SEC14L1: variants seen among roughly 807,000 people sequenced by gnomAD.
SEC14L1 encodes SEC14-like protein 1.
Under a neutral mutation model 85.3 loss-of-function variants are expected in SEC14L1, and 48 were observed. That is an observed-to-expected ratio of 0.56 (90% CI 0.45 to 0.72). The LOEUF (loss-of-function observed/expected upper bound fraction) is 0.72, where lower values mean the gene tolerates loss of function less well. SEC14L1 is among the 30% of genes least tolerant of loss of function. SEC14L1 has a pLI of 0.00. For missense variants in SEC14L1, 682 were observed against 921.4 expected, an observed-to-expected ratio of 0.74 and a Z score of 3.36; for synonymous variants, 391 against 355.5, an observed-to-expected ratio of 1.10 and a Z score of -1.12.
intron 3 of SEC14L1, among the ~76,000 whole-genome samples, chr17:77,189,819 G>A (rs1169970698): frequency 6.6e-6 from 1 of 152,060 alleles, no homozygotes; most frequent in Non-Finnish European, 1.5e-5. Context: ...TAGTAGAGAC[G>A]GGGTTTCACC....
intron 14 of SEC14L1, 59 bp downstream of exon 14, chr17:77,209,535 T>C: frequency 1.3e-6 from 2 of 1,568,122 alleles, no homozygotes; most frequent in South Asian, 2.3e-5. Context: ...GGCCTGGCCC[T>C]CGCAGGGCTT....
chr17:77,138,521 A>T (rs893258826), upstream of SEC14L1, among the ~76,000 whole-genome samples: 3 of 152,100 alleles, frequency 2.0e-5, no homozygotes, highest in Non-Finnish European at 4.4e-5. Flanking sequence ...CTGAGGCAGG[A>T]GGGCAGGAGA....
At chr17:77,143,200 G>C (rs1188670568) in intron 2 of SEC14L1, among the ~76,000 whole-genome samples, 1 of 152,158 alleles carries the variant, frequency 6.6e-6, no homozygotes, top group Non-Finnish European at 1.5e-5. Context: ...AAGAGAAAAT[G>C]ATCCAAGCAT....
intron 7 of SEC14L1, among the ~76,000 whole-genome samples, chr17:77,195,392 C>T (rs568416967): frequency 5.9e-5 from 9 of 151,902 alleles, no homozygotes; most frequent in Non-Finnish European, 1.3e-4. Flanking sequence ...CATCTTGGCT[C>T]ACTGCAACCT....
intron 15 of SEC14L1, among the ~76,000 whole-genome samples, chr17:77,212,511 C>T (rs1370075548): frequency 1.3e-5 from 2 of 152,130 alleles, no homozygotes; most frequent in African/African-American, 2.4e-5. Flanking sequence ...CTCATTTCAC[C>T]GGGTTGTGTT....
At position 77,214,174 on chromosome 17, in the gene SEC14L1, C is replaced by T. The variant is rs1976923572; in HGVS notation, c.*151C>T. Reference sequence around the variant, plus strand: ...CAGATGGTAAACGTAGTCGTTTGATCCCAAAACTACCTTGGCAGGTAGTTT... The same window carrying T: ...CAGATGGTAAACGTAGTCGTTTGATTCCAAAACTACCTTGGCAGGTAGTTT... On this transcript the variant is annotated 3_prime_UTR_variant, in exon 17 of 17. Coordinates refer to ENST00000436233, the MANE Select transcript of SEC14L1 (RefSeq NM_001143998.2). 3 of 1,420,728 alleles carry T rather than the reference C, an allele frequency of 2.1e-6. No individual in the cohort carries two copies. Among genetic ancestry groups the T allele is most frequent in the Middle Eastern group, 2.6e-4 (1 of 3,832 alleles). 88.0% of individuals were successfully genotyped at this position (1,420,728 alleles called of 1,614,324 possible). A position where few individuals can be genotyped will look rare whatever the true frequency, so the allele number is the denominator to read the frequency against.
At chr17:77,096,136 A>G (rs969578958) in intron 3 of SEC14L1, among the ~76,000 whole-genome samples, 4 of 148,010 alleles carry the variant, frequency 2.7e-5, no homozygotes, top group African/African-American at 7.6e-5. Context: ...GGCTCAGGTG[A>G]TCCTCCCACC....
intron 1 of SEC14L1, chr17:77,141,514 C>T (rs1159023906): frequency 2.6e-5 from 4 of 152,312 alleles, no homozygotes; most frequent in African/African-American, 7.2e-5. Context: ...GCCGGCCGCC[C>T]CTCGAGCCTG....
chr17:77,185,400 T>C, intron 3 of SEC14L1: 1 of 985,258 alleles, frequency 1.0e-6, no homozygotes, highest in Non-Finnish European at 1.2e-6. Context: ...TGAACGTCTG[T>C]GCAAATATGA....
intron 14 of SEC14L1, chr17:77,210,142 C>T (rs116852635): frequency 0.015 from 2,237 of 152,464 alleles, 51 homozygotes; most frequent in Admixed American, 0.042. Context: ...TGTACCTGGC[C>T]CGTTTGCTAC....
In SEC14L1 at chr17:77,214,499, C is replaced by T. The variant is rs947352905; in HGVS notation, c.*476C>T. On this transcript the variant is annotated 3_prime_UTR_variant, in exon 17 of 17. Coordinates refer to ENST00000436233, the MANE Select transcript of SEC14L1 (RefSeq NM_001143998.2). ...CGCCGCCTCACGGCCCCCATGCTTC[C>T]CGCCAGTCAAGATGGTCTGTGGACT... 18 of 1,001,082 alleles carry T rather than the reference C, an allele frequency of 1.8e-5. No individual in the cohort carries two copies. The highest frequency in any genetic ancestry group is 2.0e-5 in the Non-Finnish European group (17 of 838,622). The allele number at this position is 1,001,082 out of a possible 1,614,324, so 62.0% of individuals were successfully genotyped here.
At chr17:77,090,131 C>T in intron 2 of SEC14L1, 1 of 151,840 alleles carries the variant, frequency 6.6e-6, no homozygotes. Context: ...CAGTTCAAGA[C>T]CAGCCTGGCC....
At chr17:77,140,549 C>A (rs953175295), upstream of SEC14L1, among the ~76,000 whole-genome samples, 6 of 152,238 alleles carry the variant, frequency 3.9e-5, no homozygotes, top group Non-Finnish European at 7.3e-5. Context: ...CGGGAGGGCC[C>A]CGGTGGTTTT....
chr17:77,201,405 C>G (rs1262252975), intron 9 of SEC14L1, among the ~76,000 whole-genome samples: 2 of 151,066 alleles, frequency 1.3e-5, no homozygotes, highest in Non-Finnish European at 2.9e-5. Flanking sequence ...ATGACTTCAT[C>G]TTTTGTATTG....
intron 3 of SEC14L1, among the ~76,000 whole-genome samples, chr17:77,149,916 C>G (rs987448918): frequency 4.6e-5 from 7 of 150,556 alleles, no homozygotes; most frequent in African/African-American, 1.7e-4. Context: ...TAAACACTCT[C>G]CTGGCAGTTT....
intron 3 of SEC14L1, among the ~76,000 whole-genome samples, chr17:77,129,365 C>G (rs1972547181): frequency 1.3e-5 from 2 of 152,092 alleles, no homozygotes; most frequent in African/African-American, 4.8e-5. Flanking sequence ...TCAATCAGAC[C>G]CACAGGTCCT....
chr17:77,128,400 ATTTTATTTTATTTTATTTTATTTTATTTT>A (rs1972513089), intron 3 of SEC14L1, among the ~76,000 whole-genome samples: 2 of 8,138 alleles, frequency 2.5e-4, no homozygotes, highest in Middle Eastern at 0.062. Flanking sequence ...ATTTTATTTT[ATTTTATTTTATTTTATTTTATTTTATTTT>A]ATTTTATTTT....
chr17:77,143,995 G>T lies in SEC14L1; in HGVS notation c.63+336G>T, dbSNP rs548013605. The stretch of plus-strand genomic sequence containing the variant: ...TTAGAGTAGCAAAGGGACATGGAGT[G>T]TGGTCTTTGCTGCTCGTGTGGAAGA... On this transcript the variant is annotated intron_variant, in intron 3 of 16. Transcript: ENST00000436233. The T allele has an allele frequency of 7.9e-5, 18 of 227,616 alleles. 1 individual carries two copies. The South Asian group carries it at 9.5e-4, about 12-fold the overall frequency. 14.1% of individuals were successfully genotyped at this position (227,616 alleles called of 1,614,324 possible).
intron 3 of SEC14L1, among the ~76,000 whole-genome samples, chr17:77,121,647 G>T (rs940124371): frequency 4.6e-5 from 7 of 152,170 alleles, no homozygotes; most frequent in African/African-American, 7.2e-5. Context: ...GTGAGCCACC[G>T]CACCCGGCCC....
Sources: allele counts gnomAD v4.1 joint callset (sites outside exome capture counted in the v4.1 genomes callset), GRCh38; gene constraint gnomAD v4.1.1; transcripts MANE v1.5; gene names NCBI Gene and HGNC (gene_info 2026-07-23, HGNC 2026-07-21).